The following CACNA1B variants were observed in gnomAD, a reference collection of about 807,000 sequenced individuals.
The protein encoded by CACNA1B is calcium voltage-gated channel subunit alpha1 B, also known as voltage-dependent N-type calcium channel subunit alpha-1B.
Under a neutral mutation model 247.2 loss-of-function variants are expected in CACNA1B, and 70 were observed. The ratio of observed to expected loss-of-function variants is 0.28; its 90% CI spans 0.23 to 0.35. The LOEUF (loss-of-function observed/expected upper bound fraction) is 0.35, where lower values mean the gene tolerates loss of function less well. Among genes scored for constraint, CACNA1B ranks in the 10% least tolerant of loss-of-function variants. The probability of loss-of-function intolerance (pLI) is 1.00; values close to 1 mark genes in which losing one functional copy is unlikely to be tolerated. For missense variants in CACNA1B, 2,367 were observed against 3,197.4 expected, an observed-to-expected ratio of 0.74 and a Z score of 6.26; for synonymous variants, 1,231 against 1,294.4, an observed-to-expected ratio of 0.95 and a Z score of 1.05.
At chr9:138,077,154 A>AG (rs1960352585) in intron 35 of CACNA1B, among the ~76,000 whole-genome samples, 1 of 152,204 alleles carries the variant, frequency 6.6e-6, no homozygotes, top group Admixed American at 6.5e-5. Flanking sequence ...TTGAAGCAGC[A>AG]GCCCTGCAGG....
At chr9:138,000,355 C>T (rs532068419) in intron 15 of CACNA1B, among the ~76,000 whole-genome samples, 3 of 152,264 alleles carry the variant, frequency 2.0e-5, no homozygotes, top group Admixed American at 6.5e-5. Context: ...GCCTTGGCCT[C>T]CCAAAGTGCT....
rs1318130150 is a variant in CACNA1B at position 138,014,726 on chromosome 9, C to T, written c.2267+1491C>T. Among the ~76,000 whole-genome samples, 1 of 152,046 alleles carries T rather than the reference C, an allele frequency of 6.6e-6. No homozygotes were observed. The highest frequency in any genetic ancestry group is 6.5e-5 in the Admixed American group (1 of 15,276). On this transcript the variant is annotated intron_variant, in intron 18 of 46. Transcript: ENST00000371372. The surrounding 1 kb of genome is among the most constrained non-coding windows in gnomAD (Gnocchi z 6.2). Reference sequence around the variant, plus strand: ...TGTTGTTCTCCTGAAGACTTGCCTTCTCTGCTGTTCCTGGAGGCGAGCACT... The same window carrying T: ...TGTTGTTCTCCTGAAGACTTGCCTTTTCTGCTGTTCCTGGAGGCGAGCACT...
At chr9:137,921,507 G>C (rs1957478247) in intron 6 of CACNA1B, among the ~76,000 whole-genome samples, 1 of 149,968 alleles carries the variant, frequency 6.7e-6, no homozygotes, top group Non-Finnish European at 1.5e-5. Context: ...TGGGAGCAGA[G>C]TAAAGCGTTC....
chr9:137,947,475 T>C (rs890966451), intron 6 of CACNA1B, among the ~76,000 whole-genome samples: 4 of 152,214 alleles, frequency 2.6e-5, no homozygotes, highest in Admixed American at 2.6e-4. Context: ...CTGTCAAACA[T>C]AATTTAAAAA....
At chr9:138,042,415 C>T (rs1386818647) in intron 20 of CACNA1B, among the ~76,000 whole-genome samples, 1 of 152,088 alleles carries the variant, frequency 6.6e-6, no homozygotes, top group Non-Finnish European at 1.5e-5. Context: ...GTACTTCAGC[C>T]TGGGCAACAA....
At chr9:137,892,954 G>A (rs576403301) in intron 3 of CACNA1B, among the ~76,000 whole-genome samples, 24 of 152,172 alleles carry the variant, frequency 1.6e-4, no homozygotes, top group Non-Finnish European at 3.2e-4. Context: ...GGCCTGAAAC[G>A]CCCAGACACA....
rs540123194 is a variant in CACNA1B, at chr9:137,903,811, A to C, written c.531-9369A>C. On this transcript the variant is annotated intron_variant, in intron 3 of 46. Coordinates refer to ENST00000371372, the MANE Select transcript of CACNA1B (RefSeq NM_000718.4). The stretch of plus-strand genomic sequence containing the variant: ...AAAAGTCACCTGCACTGTTAAAGCT[A>C]TTCCTAAGTGGTTTGTATTGATTGG... Among the ~76,000 whole-genome samples, 7 of 152,162 alleles carry C rather than the reference A, an allele frequency of 4.6e-5. No homozygotes were observed. In the East Asian group the frequency reaches 1.4e-3, roughly 29 times the overall value.
intron 6 of CACNA1B, among the ~76,000 whole-genome samples, chr9:137,946,879 G>A (rs898343260): frequency 2.0e-5 from 3 of 152,178 alleles, no homozygotes; most frequent in African/African-American, 7.2e-5. Context: ...GCCAAAATAC[G>A]TTACCGGGGG....
At chr9:138,065,693 C>A (rs1589107339) in intron 31 of CACNA1B, among the ~76,000 whole-genome samples, 1 of 152,278 alleles carries the variant, frequency 6.6e-6, no homozygotes, top group South Asian at 2.1e-4. Flanking sequence ...TTGGGTTATG[C>A]TTGGAGTTGC....
chr9:138,042,332 C>T (rs752761747), intron 20 of CACNA1B, among the ~76,000 whole-genome samples: 1 of 152,132 alleles, frequency 6.6e-6, no homozygotes, highest in Non-Finnish European at 1.5e-5. Context: ...CGCCTGTAAT[C>T]CCAGCTACTC....
intron 36 of CACNA1B, among the ~76,000 whole-genome samples, chr9:138,088,959 C>CAAAAAAAAAAAAAAAAAAA (rs56112600): frequency 1.6e-5 from 1 of 61,396 alleles, no homozygotes; most frequent in African/African-American, 4.5e-5. Context: ...AACTCCGTCT[C>CAAAAAAAAAAAAAAAAAAA]AAAAAAAAAA....
intron 20 of CACNA1B, among the ~76,000 whole-genome samples, chr9:138,028,312 C>T (rs893246676): frequency 1.3e-5 from 2 of 152,040 alleles, no homozygotes; most frequent in South Asian, 2.1e-4. Context: ...CGTGAGCCAC[C>T]GTGCCTGGCC....
chr9:137,922,749 T>C (rs1957501886), intron 6 of CACNA1B, among the ~76,000 whole-genome samples: 1 of 152,118 alleles, frequency 6.6e-6, no homozygotes, highest in South Asian at 2.1e-4. Flanking sequence ...AATACAGAAA[T>C]AGCTCATGCA....
In CACNA1B at chr9:137,955,507, C is replaced by T. The variant is rs530126286; in HGVS notation, c.1071-191C>T. ...GCCCTCTGGGTGCCCAGGGAGCTGT[C>T]TGGTGCTCTGGAGTGCTCATCTGGA... On this transcript the variant is annotated intron_variant, in intron 7 of 46. Coordinates refer to ENST00000371372, the MANE Select transcript of CACNA1B (RefSeq NM_000718.4). This position sits in a 1 kb window ranked among gnomAD's most constrained non-coding sequence, Gnocchi z 6.9. Among the ~76,000 whole-genome samples the T allele has an allele frequency of 3.9e-5, 6 of 152,172 alleles. No individual in the cohort carries two copies. The South Asian group carries it at 1.2e-3, about 32-fold the overall frequency.
Position 138,120,895 on chromosome 9 carries a change from GT to G in CACNA1B, c.6489+15del. 2 of 1,557,196 alleles carry G rather than the reference GT, an allele frequency of 1.3e-6. No individual in the cohort carries two copies. Among genetic ancestry groups the G allele is most frequent in the Non-Finnish European group, 1.7e-6 (2 of 1,152,072 alleles). ...CCCCACCCACAGGTAAGAGGAATAG[GT>G]GGAGAGGTCAGGGCCCAGCTGCCTC... On this transcript the variant is annotated intron_variant, in intron 46 of 46. Coordinates refer to ENST00000371372, the MANE Select transcript of CACNA1B (RefSeq NM_000718.4).
intron 8 of CACNA1B, 41 bp from the exon 9 acceptor site, chr9:137,956,730 G>A: frequency 1.9e-6 from 3 of 1,592,250 alleles, no homozygotes; most frequent in Non-Finnish European, 2.6e-6. Flanking sequence ...GCATTCCTGG[G>A]GTCAGGAGGG....
intron 36 of CACNA1B, among the ~76,000 whole-genome samples, chr9:138,087,414 AAAAAG>A (rs1243717933): frequency 6.7e-6 from 1 of 148,280 alleles, no homozygotes; most frequent in Non-Finnish European, 1.5e-5. Flanking sequence ...GAAAAAGAAA[AAAAAG>A]AAAAGAGAAA....
chr9:138,047,579 G>A, intron 23 of CACNA1B, 121 bp downstream of exon 23: 1 of 703,856 alleles, frequency 1.4e-6, no homozygotes, highest in Non-Finnish European at 2.6e-6. Flanking sequence ...TATGGTAGGT[G>A]TGTGCGTACT....
intron 36 of CACNA1B, 54 bp from the exon 37 acceptor site, chr9:138,096,418 TGGGGGGCGGCGG>T: frequency 7.3e-7 from 1 of 1,373,508 alleles, no homozygotes; most frequent in Non-Finnish European, 1.0e-6. Flanking sequence ...TGGAGAGTGG[TGGGGGGCGGCGG>T]GGAGGGCAGG....
Sources: gnomAD v4.1 joint callset for allele counts (sites outside exome capture counted in the v4.1 genomes callset) on GRCh38, gnomAD v4.1.1 for gene constraint, Gnocchi (gnomAD v3.1) non-coding constraint, MANE v1.5 for transcripts, NCBI Gene and HGNC (gene_info 2026-07-23, HGNC 2026-07-21) for gene names.